The following ADARB2 variants were observed in gnomAD, a reference collection of about 807,000 sequenced individuals.
The protein encoded by ADARB2 is inactive double-stranded RNA-specific editase B2.
ADARB2 carries 25 observed loss-of-function variants against 62.2 expected under a neutral mutation model. That is an observed-to-expected ratio of 0.40 (90% CI 0.29 to 0.56). ADARB2 has a LOEUF of 0.56. Ranked by LOEUF, ADARB2 falls within the 20% of genes least tolerant of loss-of-function variation. The pLI is 0.43. For synonymous variants in ADARB2, 572 were observed against 500.8 expected, an observed-to-expected ratio of 1.14 and a Z score of -1.90; for missense variants, 1,071 against 1,077.4, an observed-to-expected ratio of 0.99 and a Z score of 0.08.
At chr10:1,547,629 G>T (rs1441935149) in intron 1 of ADARB2, among the ~76,000 whole-genome samples, 2 of 66,882 alleles carry the variant, frequency 3.0e-5, no homozygotes, top group African/African-American at 9.1e-5. Context: ...CTGCACTGGC[G>T]TATGCACTGT....
intron 1 of ADARB2, among the ~76,000 whole-genome samples, chr10:1,680,470 C>T (rs573868706): frequency 6.6e-6 from 1 of 152,238 alleles, no homozygotes; most frequent in African/African-American, 2.4e-5. Context: ...GGCTGGTCCC[C>T]ATCACCTGCC....
chr10:1,220,883 C>T (rs575887162), intron 6 of ADARB2, among the ~76,000 whole-genome samples: 14 of 152,276 alleles, frequency 9.2e-5, no homozygotes, highest in East Asian at 7.7e-4. Flanking sequence ...GGAGTTAACC[C>T]AAAGCTTTCA....
chr10:1,177,527 C>G lies in ADARB2; in HGVS notation c.*5666G>C, dbSNP rs1226140761. Reference sequence around the variant, plus strand: ...ATGTACATACCTTCAATTAGAATTACTATGTGTTAAGTTCATTTTGCTTAC... The same window carrying G: ...ATGTACATACCTTCAATTAGAATTAGTATGTGTTAAGTTCATTTTGCTTAC... On this transcript the variant is annotated 3_prime_UTR_variant, in exon 10 of 10. Coordinates refer to ENST00000381312, the MANE Select transcript of ADARB2 (RefSeq NM_018702.4). 2 of 151,886 alleles carry G rather than the reference C, an allele frequency of 1.3e-5. No homozygotes were observed. Among genetic ancestry groups the G allele is most frequent in the East Asian group, 3.9e-4 (2 of 5,186 alleles). The allele number at this position is 151,886 out of a possible 1,614,324, so 9.4% of individuals were successfully genotyped here. A position where few individuals can be genotyped will look rare whatever the true frequency, so the allele number is the denominator to read the frequency against.
intron 1 of ADARB2, among the ~76,000 whole-genome samples, chr10:1,492,972 C>G (rs548631130): frequency 1.3e-5 from 2 of 152,148 alleles, no homozygotes; most frequent in African/African-American, 4.8e-5. Flanking sequence ...CAAGGCCACA[C>G]GAAATGCTCC....
chr10:1,357,648 C>A (rs1045588571), intron 3 of ADARB2, among the ~76,000 whole-genome samples: 1 of 152,176 alleles, frequency 6.6e-6, no homozygotes, highest in Non-Finnish European at 1.5e-5. Flanking sequence ...ACACCTTCAC[C>A]CAGGATGGGA....
intron 3 of ADARB2, among the ~76,000 whole-genome samples, chr10:1,280,559 T>TGCTCCGTGAAATTCCTAAGTGAC (rs1564245248): frequency 5.3e-5 from 8 of 151,212 alleles, no homozygotes; most frequent in South Asian, 2.1e-4. Flanking sequence ...TCCTAAGTGA[T>TGCTCCGTGAAATTCCTAAGTGAC]GCTCCGTGAA....
Position 1,598,897 on chromosome 10 carries a change from C to T in ADARB2, c.100+138154G>A, listed in dbSNP as rs1178107153. On this transcript the variant is annotated intron_variant, in intron 1 of 9. Transcript: ENST00000381312. ...AAGGAGTGAAGCCCAGGGGAGGGAG[C>T]GGATGCCCATGAGGTTCCCAACCGG... Among the ~76,000 whole-genome samples the T allele has an allele frequency of 2.6e-5, 4 of 152,202 alleles. 1 individual carries two copies. Among genetic ancestry groups the T allele is most frequent in the African/African-American group, 7.2e-5 (3 of 41,456 alleles).
At chr10:1,660,727 C>T (rs1389494292) in intron 1 of ADARB2, among the ~76,000 whole-genome samples, 1 of 152,228 alleles carries the variant, frequency 6.6e-6, no homozygotes, top group Non-Finnish European at 1.5e-5. Context: ...CCCAGCCCTG[C>T]ACCTTGGCCC....
At chr10:1,344,347 G>C (rs1352585822) in intron 3 of ADARB2, among the ~76,000 whole-genome samples, 1 of 152,230 alleles carries the variant, frequency 6.6e-6, no homozygotes, top group Admixed American at 6.5e-5. Flanking sequence ...GACCTGGTGA[G>C]AAGGTGATGC....
rs1011539852 is a variant in ADARB2, at chr10:1,405,104, C to T, written c.101-25944G>A. ...TGGGGTCATGCGGGGGCCCAGCTGA[C>T]AAACCACAGAGGTAACGGGGCAGAG... On this transcript the variant is annotated intron_variant, in intron 1 of 9. Transcript: ENST00000381312. Among the ~76,000 whole-genome samples the T allele has an allele frequency of 2.6e-5, 4 of 152,318 alleles. No individual in the cohort carries two copies. In the East Asian group the frequency reaches 5.8e-4, roughly 22 times the overall value.
intron 3 of ADARB2, among the ~76,000 whole-genome samples, chr10:1,286,116 C>G (rs1831411345): frequency 6.6e-6 from 1 of 151,904 alleles, no homozygotes; most frequent in Non-Finnish European, 1.5e-5. Flanking sequence ...TGGAGAGAGC[C>G]AAGAGGGGGC....
chr10:1,697,166 C>G (rs572484400), intron 1 of ADARB2, among the ~76,000 whole-genome samples: 3 of 152,080 alleles, frequency 2.0e-5, no homozygotes. Flanking sequence ...CCTCTGTGTG[C>G]GAACACTGCT....
intron 7 of ADARB2, among the ~76,000 whole-genome samples, chr10:1,206,487 G>C (rs67699390): frequency 9.3e-5 from 14 of 150,060 alleles, no homozygotes; most frequent in Non-Finnish European, 1.5e-4. Flanking sequence ...AGAACTGCGG[G>C]GTCTCCTCCT....
intron 1 of ADARB2, among the ~76,000 whole-genome samples, chr10:1,605,599 C>T (rs887547584): frequency 6.6e-6 from 1 of 152,216 alleles, no homozygotes; most frequent in Non-Finnish European, 1.5e-5. Flanking sequence ...AATGCACTTA[C>T]TTATTCAAGT....
At chr10:1,355,110 C>A (rs545878380) in intron 3 of ADARB2, among the ~76,000 whole-genome samples, 2 of 152,350 alleles carry the variant, frequency 1.3e-5, no homozygotes, top group South Asian at 4.1e-4. Flanking sequence ...TGGCTGCCCA[C>A]CTCCTCCCAC....
At chr10:1,731,366 G>A (rs1331272574) in intron 1 of ADARB2, among the ~76,000 whole-genome samples, 1 of 152,174 alleles carries the variant, frequency 6.6e-6, no homozygotes, top group Non-Finnish European at 1.5e-5. Context: ...GAACAGGGAT[G>A]TCTTGATACT....
chr10:1,310,218 A>C (rs927109354), intron 3 of ADARB2, among the ~76,000 whole-genome samples: 2 of 152,176 alleles, frequency 1.3e-5, no homozygotes, highest in African/African-American at 2.4e-5. Flanking sequence ...AGGTGTTTGC[A>C]TTTACGCAGA....
At chr10:1,203,403 C>T (rs886909547) in intron 7 of ADARB2, among the ~76,000 whole-genome samples, 1 of 152,240 alleles carries the variant, frequency 6.6e-6, no homozygotes, top group African/African-American at 2.4e-5. Flanking sequence ...AGGCAGGGAA[C>T]AGGACCGCCC....
intron 3 of ADARB2, among the ~76,000 whole-genome samples, chr10:1,356,659 G>A (rs894753903): frequency 6.6e-6 from 1 of 152,170 alleles, no homozygotes; most frequent in South Asian, 2.1e-4. Context: ...GCATGTAGGA[G>A]TGACACCATC....
Sources: allele counts gnomAD v4.1 joint callset (sites outside exome capture counted in the v4.1 genomes callset), GRCh38; gene constraint gnomAD v4.1.1; transcripts MANE v1.5; gene names NCBI Gene and HGNC (gene_info 2026-07-23, HGNC 2026-07-21).